Variants in BBS9 observed in about 807,000 individuals in gnomAD.
BBS9 encodes the protein protein PTHB1.
BBS9 carries 89 observed loss-of-function variants against 117.7 expected under a neutral mutation model. That is an observed-to-expected ratio of 0.76 (90% CI 0.64 to 0.90). BBS9 has a LOEUF of 0.90. BBS9 is among the 40% of genes least tolerant of loss of function. The pLI, the probability that BBS9 is intolerant of heterozygous loss-of-function variation, is 0.00. For missense variants in BBS9, 982 were observed against 1,042.2 expected (o/e 0.94, Z 0.80); for synonymous variants, 379 against 370.9 (o/e 1.02, Z -0.25).
At chr7:33,227,163 A>T (rs1008055026) in intron 5 of BBS9, among the ~76,000 whole-genome samples, 12 of 146,362 alleles carry the variant, frequency 8.2e-5, no homozygotes, top group Non-Finnish European at 1.4e-4. Flanking sequence ...ACAGCCATCA[A>T]TTTTTTTTTT....
At chr7:33,307,772 C>CTTT (rs61014537) in intron 9 of BBS9, among the ~76,000 whole-genome samples, 4 of 145,518 alleles carry the variant, frequency 2.7e-5, no homozygotes, top group African/African-American at 5.1e-5. Context: ...ATGCAGCCAT[C>CTTT]TTTTTTTTTT....
downstream of BBS9, among the ~76,000 whole-genome samples, chr7:33,610,159 TAGAG>T (rs1278856001): frequency 2.0e-5 from 3 of 151,954 alleles, no homozygotes; most frequent in Non-Finnish European, 2.9e-5. Context: ...GCGAGCGAGA[TAGAG>T]AGAGAGAATA....
At chr7:33,430,172 A>C (rs1834229063) in intron 19 of BBS9, among the ~76,000 whole-genome samples, 1 of 152,210 alleles carries the variant, frequency 6.6e-6, no homozygotes, top group Non-Finnish European at 1.5e-5. Context: ...CAGTGAAAAA[A>C]GCTAGATATG....
At chr7:33,270,888 T>G (rs964225638) in intron 7 of BBS9, among the ~76,000 whole-genome samples, 2 of 151,862 alleles carry the variant, frequency 1.3e-5, no homozygotes, top group African/African-American at 4.8e-5. Flanking sequence ...TACAAAAAGA[T>G]CATCCCCAAG....
chr7:33,432,158 C>T (rs1197970007), intron 19 of BBS9, among the ~76,000 whole-genome samples: 5 of 150,468 alleles, frequency 3.3e-5, no homozygotes, highest in Admixed American at 6.6e-5. Flanking sequence ...GATCTCGTCT[C>T]ACTGCAATGG....
chr7:33,172,367 C>T (rs1464168562), intron 4 of BBS9, among the ~76,000 whole-genome samples: 3 of 149,682 alleles, frequency 2.0e-5, no homozygotes, highest in South Asian at 2.1e-4. Flanking sequence ...GGTGACAGAG[C>T]GAGACTCTGT....
chr7:33,629,171 A>G (rs1471927025), intron 21 of BBS9, among the ~76,000 whole-genome samples: 1 of 152,220 alleles, frequency 6.6e-6, no homozygotes, highest in African/African-American at 2.4e-5. Flanking sequence ...GCTGACCTCT[A>G]GGACTTAGCA....
At chr7:33,549,473 C>T (rs1373708165) in intron 21 of BBS9, among the ~76,000 whole-genome samples, 22 of 148,180 alleles carry the variant, frequency 1.5e-4, no homozygotes, top group African/African-American at 5.3e-4. Flanking sequence ...AAGAAACTAC[C>T]ATCAGAGTGA....
intron 21 of BBS9, among the ~76,000 whole-genome samples, chr7:33,567,603 T>C (rs1326696217): frequency 6.6e-6 from 1 of 152,124 alleles, no homozygotes; most frequent in Non-Finnish European, 1.5e-5. Flanking sequence ...TCTCATTTAC[T>C]GGGTGGTTTT....
chr7:33,459,010 C>T (rs574083999), intron 19 of BBS9, among the ~76,000 whole-genome samples: 1 of 152,106 alleles, frequency 6.6e-6, no homozygotes, highest in East Asian at 1.9e-4. Flanking sequence ...TTCTTTTCTG[C>T]CATGAGGCTT....
At chr7:33,378,032 G>T (rs1824218975) in intron 17 of BBS9, among the ~76,000 whole-genome samples, 1 of 152,160 alleles carries the variant, frequency 6.6e-6, no homozygotes. Flanking sequence ...CTGATGCATT[G>T]TAAGTGCTAG....
chr7:33,203,599 T>C (rs1786314397), intron 5 of BBS9, among the ~76,000 whole-genome samples: 1 of 152,192 alleles, frequency 6.6e-6, no homozygotes, highest in African/African-American at 2.4e-5. Context: ...AATTCTCATA[T>C]AGGAGCCACA....
At chr7:33,205,322 C>T (rs1786694871) in intron 5 of BBS9, among the ~76,000 whole-genome samples, 1 of 152,160 alleles carries the variant, frequency 6.6e-6, no homozygotes, top group African/African-American at 2.4e-5. Flanking sequence ...CATATACCTC[C>T]CTCTCTAGAC....
intron 19 of BBS9, among the ~76,000 whole-genome samples, chr7:33,466,768 A>T (rs868283243): frequency 6.6e-6 from 1 of 152,160 alleles, no homozygotes; most frequent in African/African-American, 2.4e-5. Context: ...GAATAGGACA[A>T]TGCCAAGTGT....
chr7:33,257,900 T>C (rs1041984683), intron 6 of BBS9, among the ~76,000 whole-genome samples: 1 of 152,228 alleles, frequency 6.6e-6, no homozygotes, highest in African/African-American at 2.4e-5. Context: ...GCATGAACTG[T>C]TAATATGAAT....
rs1184501248 is a variant in BBS9, at chr7:33,633,517, T to C, written c.2522-1660T>C. Among the ~76,000 whole-genome samples, 207 of 150,548 alleles carry C rather than the reference T, an allele frequency of 1.4e-3. 2 individuals are homozygous for C. The highest frequency in any genetic ancestry group is 4.7e-3 in the African/African-American group (194 of 41,270). On this transcript the variant is annotated intron_variant, in intron 21 of 21. Coordinates refer to the BBS9 transcript ENST00000671952. The stretch of plus-strand genomic sequence containing the variant: ...GGTAAAGTTAACTTTTTTCTTTTTT[T>C]TTTTTTTTTTTTTGAGATTTGAAAA...
intron 19 of BBS9, among the ~76,000 whole-genome samples, chr7:33,445,033 C>A (rs1261610341): frequency 6.6e-6 from 1 of 151,934 alleles, no homozygotes; most frequent in African/African-American, 2.4e-5. Flanking sequence ...AAAAATAGTA[C>A]ATGTATGTTG....
intron 5 of BBS9, among the ~76,000 whole-genome samples, chr7:33,256,393 A>T (rs561845171): frequency 5.1e-4 from 78 of 152,172 alleles, no homozygotes; most frequent in Non-Finnish European, 1.0e-3. Flanking sequence ...CTTTCAGGCT[A>T]TTTAAGGTTG....
Position 33,534,036 on chromosome 7 carries a change from A to G in BBS9, c.2381A>G (p.Asn794Ser), listed in dbSNP as rs774701632. ...AAGAGTTCTAAGGAGCAGGCTTTGAACCTCAACAGCCAGCTGAACATACCC... is the reference window on the plus strand; with the variant it reads ...AAGAGTTCTAAGGAGCAGGCTTTGAGCCTCAACAGCCAGCTGAACATACCC... Reference protein sequence around the residue: ...LSKSSKEQALNLNSQLNIPKD... With the variant: ...LSKSSKEQALSLNSQLNIPKD... Residue 794 changes from asparagine to serine, a missense_variant, in exon 21 of 23, where the codon AAC (asparagine) becomes AGC (serine). Transcript: ENST00000242067. The G allele has an allele frequency of 1.6e-5, 26 of 1,614,062 alleles. No homozygotes were observed. The Admixed American group carries it at 4.2e-4, about 26-fold the overall frequency.
Sources: gnomAD v4.1 joint callset for allele counts (sites outside exome capture counted in the v4.1 genomes callset) on GRCh38, gnomAD v4.1.1 for gene constraint, MANE v1.5 for transcripts, NCBI Gene and HGNC (gene_info 2026-07-23, HGNC 2026-07-21) for gene names.